PTPRS: variants seen among roughly 807,000 people sequenced by gnomAD.
PTPRS encodes receptor-type tyrosine-protein phosphatase S.
PTPRS carries 63 observed loss-of-function variants against 215.3 expected under a neutral mutation model. The ratio of observed to expected loss-of-function variants is 0.29; its 90% CI spans 0.24 to 0.36. The LOEUF (loss-of-function observed/expected upper bound fraction) is 0.36. Among genes scored for constraint, PTPRS ranks in the 10% least tolerant of loss-of-function variants. The probability of loss-of-function intolerance (pLI) is 1.00; values close to 1 mark genes in which losing one functional copy is unlikely to be tolerated. For missense variants in PTPRS, 2,258 were observed against 2,825.8 expected, an observed-to-expected ratio of 0.80 and a Z score of 4.56; for synonymous variants, 1,404 against 1,191.4, an observed-to-expected ratio of 1.18 and a Z score of -3.68.
At chr19:5,303,734 G>C (rs2049376976) in intron 1 of PTPRS, among the ~76,000 whole-genome samples, 1 of 152,064 alleles carries the variant, frequency 6.6e-6, no homozygotes, top group Non-Finnish European at 1.5e-5. Context: ...TGGATCACTT[G>C]AGGTCAGTAG....
In PTPRS at chr19:5,207,967, C is replaced by G. The variant is rs145778823; in HGVS notation, c.5733G>C (p.Thr1911=). The G allele has an allele frequency of 1.2e-6, 2 of 1,614,094 alleles. No homozygotes were observed. The highest frequency in any genetic ancestry group is 2.2e-5 in the East Asian group (1 of 44,886). ...GCCGCTGGGTTCGTAGCATCTTCAC[C>G]GTCTGAAAGATGTCCACCACGCCTT... ...RYEGVVDIFQ[T]VKMLRTQRPA... is the part of the protein sequence containing the mutation. Residue 1911 remains threonine (T), a synonymous_variant, in exon 37 of 38, where the codon ACG becomes ACC. Transcript: ENST00000262963.
chr19:5,213,203 C>A (rs959018612), intron 30 of PTPRS, among the ~76,000 whole-genome samples: 3 of 152,226 alleles, frequency 2.0e-5, no homozygotes, highest in African/African-American at 7.2e-5. Flanking sequence ...TTGCCGCAGA[C>A]CTTGGCTCCC....
chr19:5,262,668 C>T (rs2046093102), intron 6 of PTPRS, among the ~76,000 whole-genome samples: 1 of 152,240 alleles, frequency 6.6e-6, no homozygotes, highest in Admixed American at 6.5e-5. Flanking sequence ...GAACCCCCCT[C>T]AGCCTGCATT....
intron 30 of PTPRS, among the ~76,000 whole-genome samples, chr19:5,212,705 T>C (rs778147920): frequency 6.6e-6 from 1 of 152,156 alleles, no homozygotes; most frequent in East Asian, 1.9e-4. Flanking sequence ...TAGCTAGGCA[T>C]GGTGGTGCAT....
At chr19:5,300,493 G>T (rs533786350) in intron 1 of PTPRS, among the ~76,000 whole-genome samples, 1 of 151,936 alleles carries the variant, frequency 6.6e-6, no homozygotes, top group African/African-American at 2.4e-5. Context: ...GAAGTGGGGC[G>T]GGTGTGGTGG....
At chr19:5,280,137 C>G (rs1258076628) in intron 2 of PTPRS, among the ~76,000 whole-genome samples, 1 of 152,226 alleles carries the variant, frequency 6.6e-6, no homozygotes, top group Non-Finnish European at 1.5e-5. Context: ...CTTTGAGCCT[C>G]TACGACCAGC....
At chr19:5,256,034 T>C in intron 9 of PTPRS, 74 bp downstream of exon 9, 1 of 1,367,154 alleles carries the variant, frequency 7.3e-7, no homozygotes, top group Admixed American at 2.0e-5. Flanking sequence ...TACATGTGTT[T>C]TGTGTGTGTG....
intron 28 of PTPRS, among the ~76,000 whole-genome samples, chr19:5,215,056 G>T (rs1216057861): frequency 6.6e-6 from 1 of 152,238 alleles, no homozygotes; most frequent in Non-Finnish European, 1.5e-5. Context: ...ATGTCCCCTG[G>T]GCAGCAAAAC....
intron 35 of PTPRS, among the ~76,000 whole-genome samples, chr19:5,209,484 C>T (rs533209095): frequency 6.6e-6 from 1 of 152,276 alleles, no homozygotes; most frequent in African/African-American, 2.4e-5. Flanking sequence ...TCCAATGTAC[C>T]ATCTTTCCCT....
intron 30 of PTPRS, among the ~76,000 whole-genome samples, chr19:5,213,284 G>C (rs547783016): frequency 6.6e-5 from 10 of 152,204 alleles, no homozygotes; most frequent in Non-Finnish European, 1.3e-4. Context: ...TACCTCCTCT[G>C]CCCACAGCCC....
chr19:5,285,693 C>T lies in PTPRS; in HGVS notation c.91+357G>A, dbSNP rs559488397. ...TGCCTCGTTTTCCCTCATTGGGAAA[C>T]GTGGAAGGTAACAGAACTGGCACAC... On this transcript the variant is annotated intron_variant, in intron 2 of 37. Coordinates refer to ENST00000262963, the MANE Select transcript of PTPRS (RefSeq NM_002850.4). 2.0e-4 allele frequency among the ~76,000 whole-genome samples: 31 copies of T among 152,218 alleles called. 3 individuals are homozygous for T. The highest frequency in any genetic ancestry group is 1.9e-3 in the South Asian group (9 of 4,830).
chr19:5,318,337 CA>C (rs146792031), intron 1 of PTPRS, among the ~76,000 whole-genome samples: 382 of 117,240 alleles, frequency 3.3e-3, no homozygotes, highest in Middle Eastern at 0.018. Context: ...GAGACTGTCT[CA>C]AAAAAAAAAA....
At chr19:5,331,010 G>C (rs1304259761) in intron 1 of PTPRS, among the ~76,000 whole-genome samples, 1 of 151,882 alleles carries the variant, frequency 6.6e-6, no homozygotes, top group Non-Finnish European at 1.5e-5. Flanking sequence ...CAATCTAAGC[G>C]TTCTGGCCCC....
chr19:5,226,040 C>T (rs1230107784), intron 16 of PTPRS, among the ~76,000 whole-genome samples, 196 bp from the exon 17 acceptor site: 1 of 152,126 alleles, frequency 6.6e-6, no homozygotes, highest in Non-Finnish European at 1.5e-5. Context: ...CCCAGCCGGA[C>T]GAGCCCATTG....
At chr19:5,228,362 A>AAAAAAAAAAAAAAAT (rs1383962696) in intron 16 of PTPRS, among the ~76,000 whole-genome samples, 1 of 147,826 alleles carries the variant, frequency 6.8e-6, no homozygotes, top group Non-Finnish European at 1.5e-5. Flanking sequence ...AAAAAAAAAA[A>AAAAAAAAAAAAAAAT]AGAGACAGGG....
chr19:5,261,995 G>A (rs553912150), intron 6 of PTPRS, among the ~76,000 whole-genome samples: 131 of 152,314 alleles, frequency 8.6e-4, no homozygotes, highest in African/African-American at 2.9e-3. Flanking sequence ...TTTTCAGGCC[G>A]GGCGTGGTGG....
intron 1 of PTPRS, among the ~76,000 whole-genome samples, chr19:5,302,817 G>T (rs2049343740): frequency 6.6e-6 from 1 of 151,874 alleles, no homozygotes; most frequent in Non-Finnish European, 1.5e-5. Context: ...CAGCACTTTG[G>T]GAGGTTGAGG....
Position 5,293,759 on chromosome 19 carries a change from C to A in PTPRS, c.-94-7525G>T, listed in dbSNP as rs540553784. Among the ~76,000 whole-genome samples the A allele has an allele frequency of 5.9e-5, 9 of 152,196 alleles. No individual in the cohort carries two copies. The South Asian group carries it at 1.9e-3, about 32-fold the overall frequency. ...TAGACCAGAGGGTAGGGGAGAGGTG[C>A]GGGCGCAGAGGCTTCCCTCCCGCTG... On this transcript the variant is annotated intron_variant, in intron 1 of 37. Transcript: ENST00000262963. The surrounding 1 kb of genome is among the most constrained non-coding windows in gnomAD (Gnocchi z 8.4).
At chr19:5,280,512 A>C (rs759291668) in intron 2 of PTPRS, among the ~76,000 whole-genome samples, 7 of 152,100 alleles carry the variant, frequency 4.6e-5, no homozygotes, top group Non-Finnish European at 8.8e-5. Context: ...TGAGGTCAGG[A>C]GTTCAGGACC....
Sources: allele counts gnomAD v4.1 joint callset (sites outside exome capture counted in the v4.1 genomes callset), GRCh38; gene constraint gnomAD v4.1.1; non-coding constraint Gnocchi (gnomAD v3.1); transcripts MANE v1.5; gene names NCBI Gene and HGNC (gene_info 2026-07-23, HGNC 2026-07-21).